RNLS: variants seen among roughly 807,000 people sequenced by gnomAD.
RNLS encodes the protein renalase, FAD dependent amine oxidase, also known as renalase.
RNLS carries 39 observed loss-of-function variants against 39.8 expected under a neutral mutation model. The ratio of observed to expected loss-of-function variants is 0.98; its 90% CI spans 0.76 to 1.28. The LOEUF is 1.28. RNLS is among the 50% of genes most tolerant of loss of function. RNLS has a pLI of 0.00. For missense variants in RNLS, 410 were observed against 413.3 expected (o/e 0.99, Z 0.07); for synonymous variants, 147 against 150.7 (o/e 0.98, Z 0.18).
At chr10:88,447,110 G>A (rs1421203536) in intron 4 of RNLS, among the ~76,000 whole-genome samples, 25 of 152,196 alleles carry the variant, frequency 1.6e-4, no homozygotes, top group Admixed American at 1.6e-3. Context: ...CACACGACAG[G>A]GATGTCCTCT....
At chr10:88,431,897 T>C (rs1855151776) in intron 4 of RNLS, among the ~76,000 whole-genome samples, 2 of 151,800 alleles carry the variant, frequency 1.3e-5, no homozygotes, top group South Asian at 4.1e-4. Context: ...TTGTCTATAA[T>C]GGTAAATTTT....
At chr10:88,478,920 T>C (rs1176289143) in intron 4 of RNLS, among the ~76,000 whole-genome samples, 2 of 151,960 alleles carry the variant, frequency 1.3e-5, no homozygotes, top group East Asian at 3.8e-4. Context: ...TCTCTCTCTC[T>C]TTCTGTCTGT....
chr10:88,382,011 A>G (rs1048215762), intron 4 of RNLS, among the ~76,000 whole-genome samples: 2 of 152,116 alleles, frequency 1.3e-5, no homozygotes, highest in Non-Finnish European at 2.9e-5. Flanking sequence ...TCTATTATCT[A>G]TGATCACTTT....
At chr10:88,410,746 A>G (rs537054852) in intron 4 of RNLS, among the ~76,000 whole-genome samples, 1 of 152,246 alleles carries the variant, frequency 6.6e-6, no homozygotes, top group South Asian at 2.1e-4. Context: ...CTTCATCCAT[A>G]AAACTAGGTG....
intron 4 of RNLS, among the ~76,000 whole-genome samples, chr10:88,523,014 C>G (rs1161472193): frequency 1.3e-5 from 2 of 152,092 alleles, no homozygotes; most frequent in African/African-American, 4.8e-5. Flanking sequence ...CTCTCTGGAC[C>G]TTCCTTAGCA....
chr10:88,330,086 TATATAA>T (rs200259648), intron 5 of RNLS, among the ~76,000 whole-genome samples: 257 of 143,464 alleles, frequency 1.8e-3, no homozygotes, highest in African/African-American at 3.9e-3. Flanking sequence ...TATATATATA[TATATAA>T]ATATAAATAT....
chr10:88,426,367 T>C (rs1386252205), intron 4 of RNLS, among the ~76,000 whole-genome samples: 1 of 151,966 alleles, frequency 6.6e-6, no homozygotes, highest in Non-Finnish European at 1.5e-5. Flanking sequence ...TCTTCAATAT[T>C]GTAACATAGG....
At chr10:88,512,214 T>G (rs1846158997) in intron 4 of RNLS, among the ~76,000 whole-genome samples, 1 of 152,164 alleles carries the variant, frequency 6.6e-6, no homozygotes, top group African/African-American at 2.4e-5. Context: ...ACTTTCTTTT[T>G]AAAAGGAAGA....
intron 4 of RNLS, among the ~76,000 whole-genome samples, chr10:88,519,889 C>G (rs2134191179): frequency 6.6e-6 from 1 of 152,006 alleles, no homozygotes; most frequent in African/African-American, 2.4e-5. Context: ...GCTGACATAT[C>G]ACTAATTTAC....
At chr10:88,174,671 T>C in the RNLS span, among the ~76,000 whole-genome samples, 1 of 152,232 alleles carries the variant, frequency 6.6e-6, no homozygotes, top group Non-Finnish European at 1.5e-5. Context: ...AGTATTTTGT[T>C]GACGATTTTT....
intron 4 of RNLS, among the ~76,000 whole-genome samples, chr10:88,502,577 C>T (rs1472271169): frequency 1.3e-5 from 2 of 152,136 alleles, no homozygotes; most frequent in African/African-American, 4.8e-5. Flanking sequence ...CCAGCAGAAT[C>T]ATAAGCCAAA....
At chr10:88,417,492 C>T (rs1854102082) in intron 4 of RNLS, among the ~76,000 whole-genome samples, 2 of 152,106 alleles carry the variant, frequency 1.3e-5, no homozygotes, top group African/African-American at 4.8e-5. Flanking sequence ...CAGCTGTAAA[C>T]AGTCTACTAC....
intron 4 of RNLS, among the ~76,000 whole-genome samples, chr10:88,424,309 T>C (rs1251738420): frequency 6.6e-6 from 1 of 152,184 alleles, no homozygotes; most frequent in Non-Finnish European, 1.5e-5. Context: ...CAGTTCTTTT[T>C]GACACTCTGG....
chr10:88,190,695 G>C, the RNLS span, among the ~76,000 whole-genome samples: 3 of 152,072 alleles, frequency 2.0e-5, no homozygotes, highest in Non-Finnish European at 2.9e-5. Context: ...TGAATTGGTT[G>C]GGCATAGGTT....
the RNLS span, among the ~76,000 whole-genome samples, chr10:88,237,117 G>A: frequency 6.6e-6 from 1 of 151,054 alleles, no homozygotes; most frequent in African/African-American, 2.4e-5. Flanking sequence ...ATATTTCTAG[G>A]GTTGGTTTTT....
intron 4 of RNLS, among the ~76,000 whole-genome samples, chr10:88,377,283 C>T (rs1851088986): frequency 6.6e-6 from 1 of 151,860 alleles, no homozygotes; most frequent in Non-Finnish European, 1.5e-5. Flanking sequence ...TTGTTATTTT[C>T]TTCTCATCTT....
chr10:88,333,455 T>C (rs1847261363), intron 5 of RNLS, among the ~76,000 whole-genome samples: 1 of 152,196 alleles, frequency 6.6e-6, no homozygotes, highest in South Asian at 2.1e-4. Context: ...TGAGCCCGCA[T>C]ATTTACTTCC....
intron 4 of RNLS, among the ~76,000 whole-genome samples, chr10:88,369,379 A>C (rs1050942999): frequency 6.6e-6 from 1 of 152,092 alleles, no homozygotes; most frequent in Non-Finnish European, 1.5e-5. Context: ...GGTTTTGGTC[A>C]ATTGGTGACA....
In RNLS at chr10:88,404,235, C is replaced by T. The variant is rs149937439; in HGVS notation, c.527-41510G>A. On this transcript the variant is annotated intron_variant, in intron 4 of 6. Transcript: ENST00000331772. ...TTATACATGAGGTATGGTTGAAAGG[C>T]TTCAGTGTATTGTAGAAAGTGCATG... 1.7e-4 allele frequency among the ~76,000 whole-genome samples: 26 copies of T among 152,140 alleles called. No individual in the cohort carries two copies. The East Asian group carries it at 4.7e-3, about 27-fold the overall frequency.
Sources: allele counts gnomAD v4.1 joint callset (sites outside exome capture counted in the v4.1 genomes callset), GRCh38; gene constraint gnomAD v4.1.1; transcripts MANE v1.5; gene names NCBI Gene and HGNC (gene_info 2026-07-23, HGNC 2026-07-21).